Variants in CDKAL1 observed in about 807,000 individuals in gnomAD.
CDKAL1 encodes the protein CDKAL1 threonylcarbamoyladenosine tRNA methylthiotransferase.
In CDKAL1, 32 loss-of-function variants were observed where a neutral mutation model predicts 68.2. That is an observed-to-expected ratio of 0.47 (90% CI 0.35 to 0.63). CDKAL1 has a LOEUF of 0.63. Ranked by LOEUF, CDKAL1 falls within the 30% of genes least tolerant of loss-of-function variation. The pLI, the probability that CDKAL1 is intolerant of heterozygous loss-of-function variation, is 0.00. For missense variants in CDKAL1, 606 were observed against 696.7 expected (o/e 0.87, Z 1.47); for synonymous variants, 234 against 244.3 (o/e 0.96, Z 0.39).
intron 4 of CDKAL1, among the ~76,000 whole-genome samples, chr6:20,595,200 A>G (rs575810916): frequency 6.6e-6 from 1 of 152,134 alleles, no homozygotes; most frequent in Admixed American, 6.5e-5. Context: ...TGTATTTCCT[A>G]AATTTGAATG....
chr6:20,673,832 G>A (rs539672086), intron 5 of CDKAL1, among the ~76,000 whole-genome samples: 203 of 152,286 alleles, frequency 1.3e-3, no homozygotes, highest in Middle Eastern at 6.8e-3. Context: ...CAGCCACATG[G>A]AACTGTAAGT....
chr6:20,711,161 T>A (rs1412577232), intron 5 of CDKAL1, among the ~76,000 whole-genome samples: 1 of 152,202 alleles, frequency 6.6e-6, no homozygotes, highest in Non-Finnish European at 1.5e-5. Flanking sequence ...GTGAGATAGA[T>A]ATCAGTTCTG....
intron 9 of CDKAL1, among the ~76,000 whole-genome samples, 193 bp downstream of exon 9, chr6:20,846,371 A>G (rs1001903195): frequency 1.3e-5 from 2 of 152,170 alleles, no homozygotes; most frequent in African/African-American, 4.8e-5. Context: ...CTCTTCTTTT[A>G]CTACGCTTCT....
intron 7 of CDKAL1, among the ~76,000 whole-genome samples, chr6:20,773,616 C>T (rs867509590): frequency 3.3e-5 from 5 of 151,822 alleles, no homozygotes; most frequent in Admixed American, 6.6e-5. Context: ...GGCGCGATCT[C>T]GGCTCACTGC....
chr6:21,005,459 T>G (rs1767674745), intron 11 of CDKAL1, among the ~76,000 whole-genome samples: 1 of 152,234 alleles, frequency 6.6e-6, no homozygotes, highest in African/African-American at 2.4e-5. Context: ...TTAAAAGACC[T>G]AACTCTTTAG....
At position 21,225,320 on chromosome 6, in the gene CDKAL1, C is replaced by T. The variant is rs139331295; in HGVS notation, c.1549-5528C>T. Among the ~76,000 whole-genome samples, 348 of 152,228 alleles carry T rather than the reference C, an allele frequency of 2.3e-3. 1 individual carries two copies. Among genetic ancestry groups the T allele is most frequent in the African/African-American group, 7.6e-3 (316 of 41,536 alleles). ...TTCGGAGCTTTCCAGGAGGTGCACT[C>T]CACCGGCTTTACCATCTCAGAGCCC... is the stretch of plus-strand genomic sequence containing the variant. On this transcript the variant is annotated intron_variant, in intron 15 of 15. Coordinates refer to ENST00000274695, the MANE Select transcript of CDKAL1 (RefSeq NM_017774.3).
intron 7 of CDKAL1, among the ~76,000 whole-genome samples, chr6:20,771,384 A>T (rs922091844): frequency 6.6e-5 from 10 of 152,192 alleles, no homozygotes; most frequent in Non-Finnish European, 1.5e-4. Context: ...TGCTGCCTAC[A>T]GTACAAGATT....
intron 9 of CDKAL1, among the ~76,000 whole-genome samples, chr6:20,887,467 A>C (rs747809956): frequency 2.6e-5 from 4 of 152,130 alleles, no homozygotes; most frequent in African/African-American, 9.6e-5. Flanking sequence ...CCACAAAATG[A>C]ACTATTATTT....
At chr6:20,883,865 A>T (rs568558063) in intron 9 of CDKAL1, among the ~76,000 whole-genome samples, 4 of 152,336 alleles carry the variant, frequency 2.6e-5, no homozygotes, top group African/African-American at 9.6e-5. Flanking sequence ...AGTAAAGAAA[A>T]ATCTAGGACC....
At position 21,092,942 on chromosome 6, in the gene CDKAL1, AT is replaced by A. The variant is rs1432639488; in HGVS notation, c.1237-15458del. 6.3e-4 allele frequency among the ~76,000 whole-genome samples: 96 copies of A among 152,024 alleles called. 1 individual carries two copies. Among genetic ancestry groups the A allele is most frequent in the Non-Finnish European group, 1.0e-3 (68 of 67,988 alleles). On this transcript the variant is annotated intron_variant, in intron 12 of 15. Coordinates refer to ENST00000274695, the MANE Select transcript of CDKAL1 (RefSeq NM_017774.3). Reference sequence around the variant, plus strand: ...CTAGAAAGTAGAACCAAAAAAAAAAATAAGATGAAAAATAGAAGGAAAAATA... The same window carrying A: ...CTAGAAAGTAGAACCAAAAAAAAAAAAAGATGAAAAATAGAAGGAAAAATA...
intron 13 of CDKAL1, among the ~76,000 whole-genome samples, chr6:21,182,175 A>C (rs1474807619): frequency 6.6e-6 from 1 of 152,242 alleles, no homozygotes; most frequent in Non-Finnish European, 1.5e-5. Context: ...CTTTGTTATG[A>C]AGATGATAAC....
At chr6:20,998,634 A>T (rs543889866) in intron 10 of CDKAL1, among the ~76,000 whole-genome samples, 2 of 152,146 alleles carry the variant, frequency 1.3e-5, no homozygotes, top group African/African-American at 4.8e-5. Flanking sequence ...AGAAAAAAAA[A>T]AAAAGAGCCT....
intron 4 of CDKAL1, among the ~76,000 whole-genome samples, chr6:20,638,266 G>A (rs1278386624): frequency 2.0e-5 from 3 of 152,132 alleles, no homozygotes; most frequent in African/African-American, 7.2e-5. Flanking sequence ...TTTTTAAAAA[G>A]TGCAGTTTTA....
At chr6:20,734,787 C>T (rs1773109481) in intron 5 of CDKAL1, among the ~76,000 whole-genome samples, 1 of 151,932 alleles carries the variant, frequency 6.6e-6, no homozygotes, top group Non-Finnish European at 1.5e-5. Context: ...TGGTCTCAAA[C>T]GCCTTCCTGG....
At chr6:20,996,215 C>G (rs954832214) in intron 10 of CDKAL1, among the ~76,000 whole-genome samples, 21 of 152,312 alleles carry the variant, frequency 1.4e-4, no homozygotes, top group Admixed American at 1.4e-3. Flanking sequence ...GAAACTTTCT[C>G]CATATCAGCA....
chr6:20,985,696 G>T (rs927325619), intron 10 of CDKAL1, among the ~76,000 whole-genome samples: 2 of 152,026 alleles, frequency 1.3e-5, no homozygotes, highest in Non-Finnish European at 2.9e-5. Flanking sequence ...GAAGCGGGAG[G>T]ATCCCTTGAA....
intron 5 of CDKAL1, among the ~76,000 whole-genome samples, chr6:20,679,938 T>C (rs930565168): frequency 1.3e-5 from 2 of 152,112 alleles, no homozygotes; most frequent in African/African-American, 4.8e-5. Context: ...ATTACAATCT[T>C]AAATATTGTT....
intron 6 of CDKAL1, among the ~76,000 whole-genome samples, chr6:20,747,001 C>T (rs904904193): frequency 6.6e-6 from 1 of 152,086 alleles, no homozygotes; most frequent in Admixed American, 6.6e-5. Flanking sequence ...TTTTCTCCCC[C>T]TCCCCACCCC....
At chr6:20,711,806 C>G (rs1213332463) in intron 5 of CDKAL1, among the ~76,000 whole-genome samples, 4 of 152,106 alleles carry the variant, frequency 2.6e-5, no homozygotes, top group African/African-American at 7.2e-5. Context: ...AGCAATAGTT[C>G]AAGATATTAC....
Sources: allele counts gnomAD v4.1 joint callset (sites outside exome capture counted in the v4.1 genomes callset), GRCh38; gene constraint gnomAD v4.1.1; transcripts MANE v1.5; gene names NCBI Gene and HGNC (gene_info 2026-07-23, HGNC 2026-07-21).